The following ADAMTSL1 variants were observed in gnomAD, a reference collection of about 807,000 sequenced individuals.
ADAMTSL1 encodes the protein ADAMTS-like protein 1.
In ADAMTSL1, 126 loss-of-function variants were observed where a neutral mutation model predicts 201.8. That is an observed-to-expected ratio of 0.62 (90% CI 0.54 to 0.72). The LOEUF (loss-of-function observed/expected upper bound fraction) is 0.72. Among genes scored for constraint, ADAMTSL1 ranks in the 30% least tolerant of loss-of-function variants. The probability of loss-of-function intolerance (pLI) is 0.00; values close to 1 mark genes in which losing one functional copy is unlikely to be tolerated. For synonymous variants in ADAMTSL1, 1,121 were observed against 903.4 expected (o/e 1.24, Z -4.32); for missense variants, 2,679 against 2,277.8 (o/e 1.18, Z -3.59).
At chr9:18,721,498 A>G (rs752153642) in intron 14 of ADAMTSL1, 38 bp from the exon 15 acceptor site, 5 of 1,609,138 alleles carry the variant, frequency 3.1e-6, no homozygotes, top group Non-Finnish European at 4.2e-6. Context: ...ACACACACCC[A>G]CTTTGCACTC....
chr9:18,096,317 C>T (rs1210367323), intron 1 of ADAMTSL1, among the ~76,000 whole-genome samples: 1 of 152,194 alleles, frequency 6.6e-6, no homozygotes. Context: ...CTTTATCTCA[C>T]TCTTAGTTCT....
chr9:17,933,985 CTTG>C (rs545813289), intron 1 of ADAMTSL1, among the ~76,000 whole-genome samples: 143 of 152,256 alleles, frequency 9.4e-4, no homozygotes, highest in Non-Finnish European at 1.9e-3. Context: ...ATATCCTCTT[CTTG>C]TTGTTTCTTT....
chr9:18,389,071 T>C (rs1484490825), intron 2 of ADAMTSL1, among the ~76,000 whole-genome samples: 3 of 152,180 alleles, frequency 2.0e-5, no homozygotes, highest in Admixed American at 2.0e-4. Flanking sequence ...GCATTGAATT[T>C]TAACACCTAT....
chr9:18,202,018 T>C (rs1257533132), intron 2 of ADAMTSL1, among the ~76,000 whole-genome samples: 1 of 152,190 alleles, frequency 6.6e-6, no homozygotes, highest in Non-Finnish European at 1.5e-5. Context: ...AATAATTCAA[T>C]ATGATTTGCT....
At chr9:18,631,640 C>A (rs192486647) in intron 5 of ADAMTSL1, among the ~76,000 whole-genome samples, 3 of 152,246 alleles carry the variant, frequency 2.0e-5, no homozygotes, top group East Asian at 3.9e-4. Flanking sequence ...TCCTCATCAC[C>A]TTTCTCTGAC....
At chr9:18,796,266 C>T (rs554605154) in intron 20 of ADAMTSL1, among the ~76,000 whole-genome samples, 11 of 152,144 alleles carry the variant, frequency 7.2e-5, no homozygotes, top group Admixed American at 2.0e-4. Context: ...CCAGGCAACC[C>T]GAGGTCACAC....
chr9:17,949,340 T>C (rs1827639229), intron 1 of ADAMTSL1, among the ~76,000 whole-genome samples: 1 of 152,114 alleles, frequency 6.6e-6, no homozygotes, highest in South Asian at 2.1e-4. Context: ...ATGAAGGGCT[T>C]GCCTTGTAAG....
chr9:17,934,070 A>G (rs1826906651), intron 1 of ADAMTSL1, among the ~76,000 whole-genome samples: 1 of 152,148 alleles, frequency 6.6e-6, no homozygotes, highest in Admixed American at 6.6e-5. Context: ...TGATATTGGC[A>G]GTCTGTGTCA....
chr9:18,560,273 G>T (rs770559751), intron 3 of ADAMTSL1, among the ~76,000 whole-genome samples: 3 of 152,036 alleles, frequency 2.0e-5, no homozygotes, highest in Non-Finnish European at 2.9e-5. Context: ...CAATAATGTG[G>T]TTTTGTCATT....
chr9:18,849,916 A>T (rs112865703), intron 23 of ADAMTSL1, among the ~76,000 whole-genome samples: 1 of 152,244 alleles, frequency 6.6e-6, no homozygotes, highest in Non-Finnish European at 1.5e-5. Flanking sequence ...AGCTCTATAC[A>T]TACAGTGTAA....
intron 9 of ADAMTSL1, among the ~76,000 whole-genome samples, chr9:18,673,104 A>G (rs1448674261): frequency 6.6e-6 from 1 of 152,140 alleles, no homozygotes; most frequent in African/African-American, 2.4e-5. Flanking sequence ...CACACCCCAC[A>G]TATTCAGATG....
chr9:18,157,521 T>C (rs769933383), intron 1 of ADAMTSL1, among the ~76,000 whole-genome samples: 5 of 151,982 alleles, frequency 3.3e-5, no homozygotes, highest in Non-Finnish European at 4.4e-5. Flanking sequence ...AACCATATTA[T>C]AGCTGTTTCC....
intron 3 of ADAMTSL1, among the ~76,000 whole-genome samples, chr9:18,547,030 G>C (rs72688626): frequency 1.3e-5 from 2 of 152,182 alleles, no homozygotes; most frequent in Non-Finnish European, 2.9e-5. Context: ...AATTCTAATT[G>C]CCAAGAAGAT....
At chr9:18,321,544 A>G (rs1834619627) in intron 2 of ADAMTSL1, among the ~76,000 whole-genome samples, 1 of 152,218 alleles carries the variant, frequency 6.6e-6, no homozygotes. Context: ...CTGTAATCCC[A>G]GCACTTTGGG....
At chr9:18,090,941 A>G (rs1823985527) in intron 1 of ADAMTSL1, among the ~76,000 whole-genome samples, 2 of 151,930 alleles carry the variant, frequency 1.3e-5, no homozygotes, top group South Asian at 4.2e-4. Context: ...TACACATGGA[A>G]CACTGTTCAT....
At chr9:18,555,184 C>A (rs188723283) in intron 3 of ADAMTSL1, among the ~76,000 whole-genome samples, 80 of 151,912 alleles carry the variant, frequency 5.3e-4, no homozygotes, top group African/African-American at 1.8e-3. Context: ...TATTCATCTT[C>A]TTCCACAACT....
At chr9:18,421,183 G>A (rs146043210) in intron 2 of ADAMTSL1, among the ~76,000 whole-genome samples, 7 of 152,184 alleles carry the variant, frequency 4.6e-5, no homozygotes, top group East Asian at 3.9e-4. Flanking sequence ...TCAGGTGGGC[G>A]GGAAGCTTTA....
At chr9:18,904,225 T>G (rs1830163020) in intron 26 of ADAMTSL1, among the ~76,000 whole-genome samples, 2 of 152,110 alleles carry the variant, frequency 1.3e-5, no homozygotes, top group African/African-American at 2.4e-5. Flanking sequence ...TCCCAGCACT[T>G]TGGGAGGCCA....
At chr9:18,466,462 G>A (rs972957796) in intron 2 of ADAMTSL1, among the ~76,000 whole-genome samples, 4 of 151,950 alleles carry the variant, frequency 2.6e-5, no homozygotes, top group South Asian at 4.2e-4. Flanking sequence ...TGAAATACCC[G>A]GTTTTACCCA....
Sources: allele counts gnomAD v4.1 joint callset (sites outside exome capture counted in the v4.1 genomes callset), GRCh38; gene constraint gnomAD v4.1.1; transcripts MANE v1.5; gene names NCBI Gene and HGNC (gene_info 2026-07-23, HGNC 2026-07-21).